The following TMC1 variants were observed in gnomAD, a reference collection of about 807,000 sequenced individuals.
The protein encoded by TMC1 is transmembrane channel-like protein 1.
Under a neutral mutation model 105.8 loss-of-function variants are expected in TMC1, and 84 were observed. The observed-to-expected ratio is 0.79, with a 90% confidence interval of 0.67 to 0.95. The LOEUF (loss-of-function observed/expected upper bound fraction) is 0.95. Ranked by LOEUF, TMC1 falls within the 40% of genes least tolerant of loss-of-function variation. The pLI, the probability that TMC1 is intolerant of heterozygous loss-of-function variation, is 0.00. For missense variants in TMC1, 817 were observed against 914.1 expected, an observed-to-expected ratio of 0.89 and a Z score of 1.37; for synonymous variants, 315 against 311.5, an observed-to-expected ratio of 1.01 and a Z score of -0.12.
chr9:72,830,660 G>C lies in TMC1; in HGVS notation c.2238G>C (p.Lys746Asn). The C allele has an allele frequency of 6.2e-7, 1 of 1,612,848 alleles. No individual in the cohort carries two copies. The highest frequency in any genetic ancestry group is 8.5e-7 in the Non-Finnish European group (1 of 1,179,492). The change falls in exon 23 of 24, where the codon AAG (lysine) becomes AAC (asparagine). Residue 746 changes from lysine to asparagine, a missense_variant. Coordinates refer to ENST00000297784, the MANE Select transcript of TMC1 (RefSeq NM_138691.3). The part of the protein sequence containing the change: ...MQALENKMRN[K>N]KMAAARAAAA... ...CTTTGGAGAACAAAATGCGAAACAAGAAAATGGCAGCTGCACGAGCAGGTT... is the reference window on the plus strand; with the variant it reads ...CTTTGGAGAACAAAATGCGAAACAACAAAATGGCAGCTGCACGAGCAGGTT...
At chr9:72,662,860 A>G (rs1403044948) in intron 5 of TMC1, among the ~76,000 whole-genome samples, 1 of 152,212 alleles carries the variant, frequency 6.6e-6, no homozygotes, top group Middle Eastern at 3.2e-3. Flanking sequence ...ACTTTTTATA[A>G]CATGTATCCC....
At chr9:72,714,084 G>A (rs1397830964) in intron 8 of TMC1, among the ~76,000 whole-genome samples, 2 of 152,170 alleles carry the variant, frequency 1.3e-5, no homozygotes, top group African/African-American at 4.8e-5. Flanking sequence ...AGTTTTGAGT[G>A]AGTTTCTTAA....
At position 72,751,927 on chromosome 9, in the gene TMC1, C is replaced by T. The variant is rs1271398737; in HGVS notation, c.613C>T (p.Leu205=). Residue 205 remains leucine, a synonymous_variant, in exon 11 of 24, where the codon CTG becomes TTG. Transcript: ENST00000297784. ...TGGAGTCAATATGGTTCTCTTTATC[C>T]TGACATTTAGCCTCATCATGTTGCC... is the stretch of plus-strand genomic sequence containing the variant. ...MYGVNMVLFI[L]TFSLIMLPEY... 6.2e-7 allele frequency: 1 copy of T among 1,612,958 alleles called. No homozygotes were observed. Among genetic ancestry groups the T allele is most frequent in the South Asian group, 1.1e-5 (1 of 91,054 alleles).
chr9:72,665,130 G>A (rs1588020311), intron 5 of TMC1, among the ~76,000 whole-genome samples: 3 of 152,150 alleles, frequency 2.0e-5, no homozygotes, highest in African/African-American at 7.2e-5. Context: ...GAATTTTTTA[G>A]CTCCTTTATA....
At chr9:72,714,463 A>G (rs1292098459) in intron 8 of TMC1, among the ~76,000 whole-genome samples, 1 of 152,158 alleles carries the variant, frequency 6.6e-6, no homozygotes, top group African/African-American at 2.4e-5. Context: ...TTGGGTGCAT[A>G]TATATTTAGG....
At position 72,721,193 on chromosome 9, in the gene TMC1, G is replaced by A. The variant is rs549716948; in HGVS notation, c.363-18926G>A. Among the ~76,000 whole-genome samples the A allele has an allele frequency of 9.9e-5, 15 of 152,230 alleles. No homozygotes were observed. The East Asian group carries it at 2.7e-3, about 27-fold the overall frequency. On this transcript the variant is annotated intron_variant, in intron 8 of 23. Transcript: ENST00000297784. The stretch of plus-strand genomic sequence containing the variant: ...TGCCTCTTCTATTTGCCTAAAAGCA[G>A]GACAGAGAATTACAAAAACAAAAGG...
intron 4 of TMC1, among the ~76,000 whole-genome samples, 200 bp from the exon 5 acceptor site, chr9:72,648,397 C>T (rs370561553): frequency 6.6e-6 from 1 of 152,068 alleles, no homozygotes. Context: ...AAACATGAAC[C>T]CCAAATTCAA....
chr9:72,812,418 A>T (rs1176053283), intron 18 of TMC1, among the ~76,000 whole-genome samples: 1 of 152,238 alleles, frequency 6.6e-6, no homozygotes, highest in African/African-American at 2.4e-5. Context: ...ATATGTGGAC[A>T]GGATCTGTCT....
chr9:72,686,343 A>C (rs1341876793), intron 5 of TMC1, among the ~76,000 whole-genome samples: 1 of 152,208 alleles, frequency 6.6e-6, no homozygotes. Flanking sequence ...GAATGGCAAC[A>C]TGCCATCTCA....
chr9:72,541,457 G>A (rs1268645291), intron 1 of TMC1, among the ~76,000 whole-genome samples: 1 of 152,140 alleles, frequency 6.6e-6, no homozygotes, highest in Non-Finnish European at 1.5e-5. Context: ...GGAGGCTGAG[G>A]CGGGCCGATC....
At chr9:72,827,875 A>C (rs1828981406) in intron 21 of TMC1, among the ~76,000 whole-genome samples, 1 of 152,238 alleles carries the variant, frequency 6.6e-6, no homozygotes, top group Non-Finnish European at 1.5e-5. Context: ...AAACAAGGAA[A>C]TCTCAGGGAG....
intron 5 of TMC1, among the ~76,000 whole-genome samples, chr9:72,676,522 T>C (rs1427705660): frequency 1.3e-5 from 2 of 152,152 alleles, no homozygotes; most frequent in Non-Finnish European, 2.9e-5. Flanking sequence ...TAATTACAAT[T>C]CCTTCCTTTC....
At chr9:72,798,821 C>T (rs998693702) in intron 17 of TMC1, among the ~76,000 whole-genome samples, 1 of 151,796 alleles carries the variant, frequency 6.6e-6, no homozygotes, top group East Asian at 1.9e-4. Flanking sequence ...TTCACATGTA[C>T]TACTAAACCT....
At chr9:72,568,240 T>C (rs996043506) in intron 1 of TMC1, among the ~76,000 whole-genome samples, 4 of 152,140 alleles carry the variant, frequency 2.6e-5, no homozygotes, top group African/African-American at 9.7e-5. Flanking sequence ...CACTCCCTTG[T>C]GCCCTATAGA....
intron 1 of TMC1, among the ~76,000 whole-genome samples, chr9:72,522,717 A>T (rs1823334348): frequency 6.6e-6 from 1 of 152,208 alleles, no homozygotes; most frequent in Admixed American, 6.5e-5. Flanking sequence ...AGAGTTTTTC[A>T]ATTAAAATTT....
chr9:72,680,691 A>G (rs999436692), intron 5 of TMC1, among the ~76,000 whole-genome samples: 1 of 152,040 alleles, frequency 6.6e-6, no homozygotes, highest in Admixed American at 6.6e-5. Context: ...CTCACCGCTA[A>G]GCCTTCACCC....
intron 5 of TMC1, among the ~76,000 whole-genome samples, chr9:72,658,052 C>A (rs1351681983): frequency 6.6e-6 from 1 of 152,092 alleles, no homozygotes; most frequent in Admixed American, 6.5e-5. Flanking sequence ...ATCCTCATAT[C>A]CTCTTGTGTT....
chr9:72,576,196 A>G (rs1824376760), intron 1 of TMC1, among the ~76,000 whole-genome samples: 1 of 152,228 alleles, frequency 6.6e-6, no homozygotes, highest in Non-Finnish European at 1.5e-5. Context: ...ATCCAGTTTT[A>G]TAGAGCAAGA....
intron 6 of TMC1, 104 bp downstream of exon 6, chr9:72,688,860 G>A (rs923888742): frequency 1.3e-5 from 13 of 974,688 alleles, no homozygotes; most frequent in African/African-American, 1.6e-5. Context: ...AAGCAGAAGT[G>A]TGTGTGGATA....
Sources: gnomAD v4.1 joint callset for allele counts (sites outside exome capture counted in the v4.1 genomes callset) on GRCh38, gnomAD v4.1.1 for gene constraint, MANE v1.5 for transcripts, NCBI Gene and HGNC (gene_info 2026-07-23, HGNC 2026-07-21) for gene names.